Variants in IGF1R observed in about 807,000 individuals in gnomAD.
IGF1R encodes insulin-like growth factor 1 receptor.
IGF1R carries 44 observed loss-of-function variants against 144.6 expected under a neutral mutation model. The observed-to-expected ratio is 0.30, with a 90% CI of 0.24 to 0.39. IGF1R has a LOEUF of 0.39. Among genes scored for constraint, IGF1R ranks in the 10% least tolerant of loss-of-function variants. The pLI, the probability that IGF1R is intolerant of heterozygous loss-of-function variation, is 1.00. For missense variants in IGF1R, 1,355 were observed against 1,833.7 expected, an observed-to-expected ratio of 0.74 and a Z score of 4.77; for synonymous variants, 795 against 722.8, an observed-to-expected ratio of 1.10 and a Z score of -1.60.
intron 2 of IGF1R, among the ~76,000 whole-genome samples, chr15:98,816,451 T>G (rs917095808): frequency 4.6e-5 from 7 of 152,160 alleles, no homozygotes. Flanking sequence ...AAAACAAATG[T>G]CAACCCTAGC....
chr15:98,754,578 G>A (rs567506019), intron 2 of IGF1R, among the ~76,000 whole-genome samples: 1 of 152,310 alleles, frequency 6.6e-6, no homozygotes, highest in South Asian at 2.1e-4. Flanking sequence ...AGTCCCCACT[G>A]AACCTTTGCT....
intron 2 of IGF1R, among the ~76,000 whole-genome samples, chr15:98,713,228 G>A (rs1279844640): frequency 6.6e-6 from 1 of 152,102 alleles, no homozygotes; most frequent in Non-Finnish European, 1.5e-5. Context: ...TTGCCCCACT[G>A]TAAATTCTGG....
intron 20 of IGF1R, among the ~76,000 whole-genome samples, chr15:98,955,414 G>T (rs1406647314): frequency 6.6e-6 from 1 of 152,210 alleles, no homozygotes; most frequent in Non-Finnish European, 1.5e-5. Flanking sequence ...TTTTAGACTT[G>T]CAGGCCACAG....
At chr15:98,699,025 G>A (rs2053663094) in intron 1 of IGF1R, among the ~76,000 whole-genome samples, 1 of 152,196 alleles carries the variant, frequency 6.6e-6, no homozygotes, top group East Asian at 1.9e-4. Flanking sequence ...GAGAGGACAG[G>A]GGACACAGGG....
At chr15:98,768,209 AT>A (rs1017838595) in intron 2 of IGF1R, among the ~76,000 whole-genome samples, 3 of 152,092 alleles carry the variant, frequency 2.0e-5, no homozygotes, top group Non-Finnish European at 2.9e-5. Context: ...GGGCACCGAG[AT>A]TTTTTTTGTA....
At chr15:98,748,853 G>T (rs1275455699) in intron 2 of IGF1R, among the ~76,000 whole-genome samples, 1 of 152,178 alleles carries the variant, frequency 6.6e-6, no homozygotes, top group African/African-American at 2.4e-5. Context: ...TTGATTTTCA[G>T]TAGCTACAGT....
chr15:98,858,623 C>G (rs1186293372), intron 2 of IGF1R, among the ~76,000 whole-genome samples: 1 of 152,220 alleles, frequency 6.6e-6, no homozygotes, highest in Admixed American at 6.5e-5. Context: ...TTAGAGAACT[C>G]TGGGCTTCGG....
At chr15:98,953,911 G>C (rs894849355) in intron 20 of IGF1R, among the ~76,000 whole-genome samples, 2 of 152,164 alleles carry the variant, frequency 1.3e-5, no homozygotes, top group Non-Finnish European at 2.9e-5. Flanking sequence ...GTTAGCCCCA[G>C]TAAGCTCACT....
At chr15:98,835,609 G>A (rs945456217) in intron 2 of IGF1R, among the ~76,000 whole-genome samples, 2 of 152,236 alleles carry the variant, frequency 1.3e-5, no homozygotes, top group South Asian at 2.1e-4. Context: ...AGGTCAAAGA[G>A]TAGGGAAGAG....
chr15:98,843,564 T>C (rs1008354185), intron 2 of IGF1R, among the ~76,000 whole-genome samples: 2 of 152,116 alleles, frequency 1.3e-5, no homozygotes, highest in African/African-American at 2.4e-5. Flanking sequence ...GTATTTAAAA[T>C]ATTTTTAAAA....
intron 6 of IGF1R, among the ~76,000 whole-genome samples, chr15:98,909,254 T>TTTTTTTC (rs1555459631): frequency 0.54 from 63,145 of 116,984 alleles, 19,359 homozygotes; most frequent in Non-Finnish European, 0.69. Flanking sequence ...TTTTTTTCTT[T>TTTTTTTC]TTTTTTCTTT....
chr15:98,811,396 T>G (rs1596322791), intron 2 of IGF1R, among the ~76,000 whole-genome samples: 1 of 147,792 alleles, frequency 6.8e-6, no homozygotes, highest in Non-Finnish European at 1.5e-5. Flanking sequence ...CAGGCGTGGT[T>G]GCGGGCGCCT....
intron 2 of IGF1R, among the ~76,000 whole-genome samples, chr15:98,791,832 A>G (rs143881937): frequency 1.3e-3 from 203 of 152,348 alleles, no homozygotes; most frequent in African/African-American, 4.6e-3. Context: ...CGTTCCTGTT[A>G]TTTCACATAA....
At chr15:98,927,069 G>A (rs1162652439) in intron 13 of IGF1R, among the ~76,000 whole-genome samples, 1 of 152,116 alleles carries the variant, frequency 6.6e-6, no homozygotes, top group East Asian at 1.9e-4. Context: ...GCTTGTTTTG[G>A]TGACATGACA....
intron 1 of IGF1R, among the ~76,000 whole-genome samples, chr15:98,666,901 T>C (rs551242624): frequency 6.6e-6 from 1 of 152,328 alleles, no homozygotes; most frequent in Non-Finnish European, 1.5e-5. Flanking sequence ...AATTCTTTGT[T>C]GTGTATATTT....
intron 2 of IGF1R, among the ~76,000 whole-genome samples, chr15:98,786,410 CCT>C (rs1235573322): frequency 6.6e-6 from 1 of 151,650 alleles, no homozygotes; most frequent in Non-Finnish European, 1.5e-5. Flanking sequence ...GAAGAAAACA[CCT>C]CTAGATTTTT....
chr15:98,749,690 C>T (rs930272288), intron 2 of IGF1R, among the ~76,000 whole-genome samples: 5 of 152,318 alleles, frequency 3.3e-5, no homozygotes, highest in Admixed American at 2.0e-4. Flanking sequence ...TTATGCCTTA[C>T]AGGAAAATTA....
intron 5 of IGF1R, among the ~76,000 whole-genome samples, chr15:98,900,311 ACT>A (rs2014418412): frequency 6.6e-6 from 1 of 151,768 alleles, no homozygotes; most frequent in African/African-American, 2.4e-5. Flanking sequence ...TTCTCTTTAA[ACT>A]CTCCCTTTTA....
At chr15:98,698,461 C>G (rs1596201190) in intron 1 of IGF1R, among the ~76,000 whole-genome samples, 1 of 152,264 alleles carries the variant, frequency 6.6e-6, no homozygotes, top group East Asian at 1.9e-4. Context: ...CTCCCATTCT[C>G]TCCTACCACA....
Sources: gnomAD v4.1 joint callset for allele counts (sites outside exome capture counted in the v4.1 genomes callset) on GRCh38, gnomAD v4.1.1 for gene constraint, MANE v1.5 for transcripts, NCBI Gene and HGNC (gene_info 2026-07-23, HGNC 2026-07-21) for gene names.